Variants in TMTC1 observed in about 807,000 individuals in gnomAD.
TMTC1 encodes the protein transmembrane O-mannosyltransferase targeting cadherins 1.
TMTC1 carries 73 observed loss-of-function variants against 104.8 expected under a neutral mutation model. That is an observed-to-expected ratio of 0.70 (90% CI 0.58 to 0.85). The LOEUF is 0.85. Among genes scored for constraint, TMTC1 ranks in the 40% least tolerant of loss-of-function variants. The probability of loss-of-function intolerance (pLI) is 0.00; values close to 1 mark genes in which losing one functional copy is unlikely to be tolerated. For missense variants in TMTC1, 1,035 were observed against 1,096.1 expected, an observed-to-expected ratio of 0.94 and a Z score of 0.79; for synonymous variants, 434 against 428.7, an observed-to-expected ratio of 1.01 and a Z score of -0.15.
intron 5 of TMTC1, among the ~76,000 whole-genome samples, chr12:29,644,915 C>T (rs969289311): frequency 6.6e-6 from 1 of 152,146 alleles, no homozygotes; most frequent in Admixed American, 6.5e-5. Flanking sequence ...AAAGCAGACA[C>T]CACTCATTGT....
chr12:29,715,362 A>G (rs1306296182), intron 5 of TMTC1, among the ~76,000 whole-genome samples: 1 of 152,220 alleles, frequency 6.6e-6, no homozygotes, highest in Non-Finnish European at 1.5e-5. Context: ...TAAGTATATA[A>G]ATGAAAAAGT....
At chr12:29,534,104 A>T (rs2136195996) in intron 11 of TMTC1, 1 of 152,344 alleles carries the variant, frequency 6.6e-6, no homozygotes, top group Admixed American at 6.5e-5. Context: ...AAATGCCAGG[A>T]TGCTGTTAAA....
intron 5 of TMTC1, among the ~76,000 whole-genome samples, chr12:29,712,722 G>C (rs966125391): frequency 6.6e-6 from 1 of 152,112 alleles, no homozygotes; most frequent in Admixed American, 6.5e-5. Flanking sequence ...ATCTATCCTT[G>C]CTCAGATGCA....
chr12:29,643,831 A>ATATATATTTATATATT (rs1181345005), intron 5 of TMTC1, among the ~76,000 whole-genome samples: 1 of 70,034 alleles, frequency 1.4e-5, no homozygotes, highest in Non-Finnish European at 2.5e-5. Context: ...TTATATATTT[A>ATATATATTTATATATT]TATATATTTA....
At chr12:29,723,613 G>GAGCTAA (rs756451260) in intron 5 of TMTC1, among the ~76,000 whole-genome samples, 1 of 152,006 alleles carries the variant, frequency 6.6e-6, no homozygotes, top group Non-Finnish European at 1.5e-5. Flanking sequence ...TTGGGAAGCT[G>GAGCTAA]AGGTAGATGG....
chr12:29,746,254 C>T (rs1160530459), intron 5 of TMTC1, among the ~76,000 whole-genome samples: 3 of 152,116 alleles, frequency 2.0e-5, no homozygotes, highest in Non-Finnish European at 4.4e-5. Context: ...TCAGTCATTT[C>T]ATTTTTGAAA....
chr12:29,771,104 T>C (rs1943585310), intron 1 of TMTC1, among the ~76,000 whole-genome samples: 1 of 152,178 alleles, frequency 6.6e-6, no homozygotes, highest in South Asian at 2.1e-4. Flanking sequence ...TGATATTACC[T>C]CTGTTCTGTC....
chr12:29,531,595 A>T (rs1217521677), intron 11 of TMTC1, among the ~76,000 whole-genome samples: 1 of 152,134 alleles, frequency 6.6e-6, no homozygotes, highest in Non-Finnish European at 1.5e-5. Flanking sequence ...GTTAAAAATG[A>T]TTGTGGGCTT....
intron 5 of TMTC1, among the ~76,000 whole-genome samples, chr12:29,749,174 T>C (rs1943028286): frequency 6.6e-6 from 1 of 152,064 alleles, no homozygotes; most frequent in Non-Finnish European, 1.5e-5. Flanking sequence ...TCATATTTCT[T>C]CCTACCCTTT....
At chr12:29,507,999 C>T (rs887025342) in intron 17 of TMTC1, among the ~76,000 whole-genome samples, 5 of 152,212 alleles carry the variant, frequency 3.3e-5, no homozygotes, top group Non-Finnish European at 7.4e-5. Context: ...ACAACTAATA[C>T]TTATCCAGTG....
chr12:29,754,324 A>G (rs1370028877), intron 4 of TMTC1, among the ~76,000 whole-genome samples: 2 of 152,238 alleles, frequency 1.3e-5, no homozygotes, highest in Non-Finnish European at 2.9e-5. Flanking sequence ...CTGGCTCAAC[A>G]GTGACTACAT....
At position 29,755,840 on chromosome 12, in the gene TMTC1, C is replaced by T. The variant is rs1225361737; in HGVS notation, c.600G>A (p.Val200=). The change falls in exon 4 of 18, where the codon GTG becomes GTA. Residue 200 remains valine (V), a synonymous_variant. Transcript: ENST00000539277. ...GCVGGSFPST[V]SPFFLLLSLF... ...AACTGAGCAGCAAGAAGAAGGGAGACACCGTGGAAGGGAAACTTCCCCCAA... is the reference window on the plus strand; with the variant it reads ...AACTGAGCAGCAAGAAGAAGGGAGATACCGTGGAAGGGAAACTTCCCCCAA... 3 of 1,614,176 alleles carry T rather than the reference C, an allele frequency of 1.9e-6. No individual in the cohort carries two copies. Among genetic ancestry groups the T allele is most frequent in the Non-Finnish European group, 1.7e-6 (2 of 1,180,016 alleles).
At chr12:29,747,879 G>A (rs181396869) in intron 5 of TMTC1, among the ~76,000 whole-genome samples, 124 of 152,184 alleles carry the variant, frequency 8.1e-4, no homozygotes, top group Non-Finnish European at 1.5e-3. Flanking sequence ...CAAATAACTC[G>A]TCTGGGATCA....
At chr12:29,530,621 T>G (rs1944476231) in intron 11 of TMTC1, among the ~76,000 whole-genome samples, 1 of 152,214 alleles carries the variant, frequency 6.6e-6, no homozygotes, top group African/African-American at 2.4e-5. Flanking sequence ...ACATGTATAC[T>G]TAGGCAACCC....
chr12:29,776,660 C>T (rs367917780), intron 1 of TMTC1, among the ~76,000 whole-genome samples: 1 of 152,106 alleles, frequency 6.6e-6, no homozygotes, highest in East Asian at 1.9e-4. Flanking sequence ...AGAGATAAAC[C>T]TCATGGAGTT....
intron 5 of TMTC1, among the ~76,000 whole-genome samples, chr12:29,657,026 T>G (rs897987840): frequency 6.6e-6 from 1 of 152,178 alleles, no homozygotes; most frequent in Admixed American, 6.5e-5. Context: ...AATAAAATAA[T>G]TGGTTGGTGA....
chr12:29,643,644 T>TA (rs1555180740), intron 5 of TMTC1, among the ~76,000 whole-genome samples: 1 of 14,298 alleles, frequency 7.0e-5, no homozygotes, highest in Non-Finnish European at 1.1e-4. Flanking sequence ...ATATAATATA[T>TA]ATGTTATATT....
intron 15 of TMTC1, among the ~76,000 whole-genome samples, chr12:29,515,375 C>A (rs1943954080): frequency 6.6e-6 from 1 of 152,316 alleles, no homozygotes; most frequent in Non-Finnish European, 1.5e-5. Context: ...AGGAACAAAA[C>A]CCTTGGCCTG....
At chr12:29,582,068 T>C (rs1381026746) in intron 8 of TMTC1, among the ~76,000 whole-genome samples, 4 of 152,174 alleles carry the variant, frequency 2.6e-5, no homozygotes, top group African/African-American at 9.7e-5. Flanking sequence ...ATCATGACAA[T>C]GATATGTAAT....
Sources: allele counts gnomAD v4.1 joint callset (sites outside exome capture counted in the v4.1 genomes callset), GRCh38; gene constraint gnomAD v4.1.1; transcripts MANE v1.5; gene names NCBI Gene and HGNC (gene_info 2026-07-23, HGNC 2026-07-21).